RBM26: variants seen among roughly 807,000 people sequenced by gnomAD.
RBM26 encodes RNA binding motif protein 26.
A neutral mutation model predicts 123.6 loss-of-function variants in RBM26; 30 were observed. That is an observed-to-expected ratio of 0.24 (90% CI 0.18 to 0.33). RBM26 has a LOEUF of 0.33. Among genes scored for constraint, RBM26 ranks in the 10% least tolerant of loss-of-function variants. The pLI, the probability that RBM26 is intolerant of heterozygous loss-of-function variation, is 1.00. For synonymous variants in RBM26, 400 were observed against 404.4 expected, an observed-to-expected ratio of 0.99 and a Z score of 0.13; for missense variants, 947 against 1,203.6, an observed-to-expected ratio of 0.79 and a Z score of 3.15.
intron 11 of RBM26, among the ~76,000 whole-genome samples, chr13:79,355,866 AG>A (rs2073915183): frequency 6.6e-6 from 1 of 150,444 alleles, no homozygotes; most frequent in Non-Finnish European, 1.5e-5. Flanking sequence ...ACAAAAAAAA[AG>A]AGACCATGTA....
chr13:79,360,814 CATTTAACCTGTT>C (rs2074593283), intron 9 of RBM26, among the ~76,000 whole-genome samples: 1 of 152,136 alleles, frequency 6.6e-6, no homozygotes, highest in African/African-American at 2.4e-5. Flanking sequence ...GAGCATAGTA[CATTTAACCTGTT>C]ATTCCCAAAT....
Position 79,392,216 on chromosome 13 carries a change from A to G in RBM26, c.72-13309T>C, listed in dbSNP as rs867114070. 6.4e-4 allele frequency among the ~76,000 whole-genome samples: 72 copies of G among 112,536 alleles called. 1 individual carries two copies. Among genetic ancestry groups the G allele is most frequent in the African/African-American group, 2.2e-3 (71 of 32,432 alleles). The allele number at this position is 112,536 out of a possible 152,430, so 73.8% of individuals were successfully genotyped here. On this transcript the variant is annotated intron_variant, in intron 1 of 21. Transcript: ENST00000438737. The stretch of plus-strand genomic sequence containing the variant: ...ATAATTATATATTATACAATAATAC[A>G]TAATTATTATATAATTATATATTAT...
At chr13:79,396,099 A>G (rs2078537792) in intron 1 of RBM26, among the ~76,000 whole-genome samples, 1 of 152,338 alleles carries the variant, frequency 6.6e-6, no homozygotes, top group South Asian at 2.1e-4. Context: ...GGGGGAAAAC[A>G]GACACATTAC....
At chr13:79,385,635 T>C (rs541456055) in intron 1 of RBM26, among the ~76,000 whole-genome samples, 32 of 152,330 alleles carry the variant, frequency 2.1e-4, no homozygotes, top group African/African-American at 7.7e-4. Context: ...AAAAGAGTTA[T>C]ATCAATATTT....
At chr13:79,323,071 C>T (rs1279861491) in intron 20 of RBM26, among the ~76,000 whole-genome samples, 1 of 151,444 alleles carries the variant, frequency 6.6e-6, no homozygotes, top group East Asian at 1.9e-4. Flanking sequence ...CCCCTCTGAA[C>T]TCTTCTATTG....
chr13:79,381,787 G>C (rs1001749492), intron 1 of RBM26, among the ~76,000 whole-genome samples: 2 of 152,004 alleles, frequency 1.3e-5, no homozygotes, highest in African/African-American at 4.8e-5. Context: ...ATCTTCTGTA[G>C]AAGCAATCTG....
intron 3 of RBM26, among the ~76,000 whole-genome samples, chr13:79,372,456 C>G (rs1188817826): frequency 6.6e-6 from 1 of 151,682 alleles, no homozygotes; most frequent in African/African-American, 2.4e-5. Flanking sequence ...AATTTCTCTA[C>G]TAAGTATAAT....
chr13:79,373,940 C>T (rs573247533), intron 3 of RBM26, among the ~76,000 whole-genome samples: 1 of 139,958 alleles, frequency 7.1e-6, no homozygotes, highest in Admixed American at 8.2e-5. Flanking sequence ...TCCTCAACAA[C>T]AGGAACGACA....
intron 1 of RBM26, among the ~76,000 whole-genome samples, chr13:79,399,478 C>T (rs946218447): frequency 1.3e-5 from 2 of 151,810 alleles, no homozygotes; most frequent in African/African-American, 4.8e-5. Flanking sequence ...CAGTGAATCA[C>T]GAAAGTTCAG....
chr13:79,316,540 G>C (rs2067170757), downstream of RBM26, among the ~76,000 whole-genome samples: 1 of 151,710 alleles, frequency 6.6e-6, no homozygotes, highest in African/African-American at 2.4e-5. Flanking sequence ...AAACAGTGAA[G>C]TCCTGTCTTT....
exon 5 of RBM26, chr13:79,313,014 T>C (rs1203884582): frequency 1.3e-5 from 2 of 151,828 alleles, no homozygotes; most frequent in East Asian, 1.9e-4. Flanking sequence ...TTATAAACTC[T>C]ATTAAAAAAA....
In RBM26 at chr13:79,322,340, A is replaced by T; in HGVS notation, c.2934+9T>A. 1 of 1,519,342 alleles carries T rather than the reference A, an allele frequency of 6.6e-7. No homozygotes were observed. The highest frequency in any genetic ancestry group is 8.9e-7 in the Non-Finnish European group (1 of 1,127,022). 94.1% of individuals were successfully genotyped at this position (1,519,342 alleles called of 1,614,324 possible). Reference sequence around the variant, plus strand: ...AAGGGTAAAAATAAGTGGAAAAAAAATAACATACTTCTTCTTCATCAGGCT... The same window carrying T: ...AAGGGTAAAAATAAGTGGAAAAAAATTAACATACTTCTTCTTCATCAGGCT... On this transcript the variant is annotated intron_variant, in intron 21 of 21. Transcript: ENST00000438737.
At position 79,320,357 on chromosome 13, in the gene RBM26, A is replaced by G; in HGVS notation, c.*264T>C. 9.4e-7 allele frequency: 1 copy of G among 1,064,936 alleles called. No homozygotes were observed. The highest frequency in any genetic ancestry group is 1.1e-6 in the Non-Finnish European group (1 of 880,156). The allele number at this position is 1,064,936 out of a possible 1,614,324, so 66.0% of individuals were successfully genotyped here. On this transcript the variant is annotated 3_prime_UTR_variant, in exon 22 of 22. Transcript: ENST00000438737. ...TACAAAGAACCCAAAGAATTCTGTG[A>G]TGTCCAGTAGAAGTATGTAATAAAA...
At chr13:79,387,524 G>A (rs1385187561) in intron 1 of RBM26, among the ~76,000 whole-genome samples, 3 of 149,640 alleles carry the variant, frequency 2.0e-5, no homozygotes, top group Admixed American at 6.7e-5. Flanking sequence ...ATAATCCTGC[G>A]TTAGCATTTT....
chr13:79,402,318 C>T (rs1249763835), intron 1 of RBM26, among the ~76,000 whole-genome samples: 1 of 151,644 alleles, frequency 6.6e-6, no homozygotes, highest in Non-Finnish European at 1.5e-5. Flanking sequence ...ATGAAAAAGA[C>T]ATTGAAAATT....
At chr13:79,350,385 T>C (rs756239542) in intron 14 of RBM26, among the ~76,000 whole-genome samples, 1 of 152,230 alleles carries the variant, frequency 6.6e-6, no homozygotes, top group Non-Finnish European at 1.5e-5. Context: ...GTCTTAAGTC[T>C]GTTTTAAAAA....
downstream of RBM26, among the ~76,000 whole-genome samples, chr13:79,315,619 T>C (rs950468259): frequency 1.3e-5 from 2 of 151,654 alleles, no homozygotes; most frequent in Non-Finnish European, 3.0e-5. Context: ...TGAGGGAGGA[T>C]TTAGGAAGTA....
At chr13:79,352,150 A>T (rs2073329449) in intron 14 of RBM26, among the ~76,000 whole-genome samples, 1 of 152,204 alleles carries the variant, frequency 6.6e-6, no homozygotes, top group Non-Finnish European at 1.5e-5. Context: ...AAAACTGCCA[A>T]AGTTTAACAT....
chr13:79,352,339 A>G (rs1034141850), intron 14 of RBM26, among the ~76,000 whole-genome samples: 2 of 152,186 alleles, frequency 1.3e-5, no homozygotes, highest in Non-Finnish European at 2.9e-5. Context: ...AGATGAAATC[A>G]TAACACTGTT....
Sources: allele counts gnomAD v4.1 joint callset (sites outside exome capture counted in the v4.1 genomes callset), GRCh38; gene constraint gnomAD v4.1.1; transcripts MANE v1.5; gene names NCBI Gene and HGNC (gene_info 2026-07-23, HGNC 2026-07-21).